Variants in PAG1 observed in about 807,000 individuals in gnomAD.
PAG1 encodes phosphoprotein associated with glycosphingolipid-enriched microdomains 1.
Under a neutral mutation model 31.7 loss-of-function variants are expected in PAG1, and 23 were observed. The ratio of observed to expected loss-of-function variants is 0.73; its 90% CI spans 0.52 to 1.03. PAG1 has a LOEUF of 1.03. Among genes scored for constraint, PAG1 ranks in the 50% least tolerant of loss-of-function variants. The probability of loss-of-function intolerance (pLI) is 0.00; values close to 1 mark genes in which losing one functional copy is unlikely to be tolerated. For missense variants in PAG1, 473 were observed against 540.7 expected, an observed-to-expected ratio of 0.87 and a Z score of 1.24; for synonymous variants, 214 against 210.3, an observed-to-expected ratio of 1.02 and a Z score of -0.15.
rs985670359 is a variant in PAG1, at chr8:80,974,991, G to A, written c.*1553C>T. ...TGATGTTTGTAAAATATAGGAAGAA[G>A]ATTCCAATAGGCAATTTGCATTGGC... is the stretch of plus-strand genomic sequence containing the variant. On this transcript the variant is annotated 3_prime_UTR_variant, in exon 9 of 9. Transcript: ENST00000220597. The A allele has an allele frequency of 6.6e-6, 1 of 152,200 alleles. No homozygotes were observed. The highest frequency in any genetic ancestry group is 1.5e-5 in the Non-Finnish European group (1 of 68,024). The allele number at this position is 152,200 out of a possible 1,614,324, so 9.4% of individuals were successfully genotyped here.
At chr8:81,039,331 C>A (rs1563639011) in intron 2 of PAG1, 1 of 152,166 alleles carries the variant, frequency 6.6e-6, no homozygotes, top group Non-Finnish European at 1.5e-5. Context: ...GATGGGCCCC[C>A]ATATAATGTG....
intron 1 of PAG1, among the ~76,000 whole-genome samples, chr8:81,100,026 A>C (rs181634229): frequency 3.0e-4 from 45 of 152,372 alleles, no homozygotes; most frequent in African/African-American, 1.0e-3. Flanking sequence ...ATTGTCAAGG[A>C]AAAATTAGAA....
intron 3 of PAG1, among the ~76,000 whole-genome samples, chr8:81,007,636 C>CAAAAAAAAAAAAAAAAAAAAAAA (rs58612249): frequency 2.0e-5 from 1 of 49,720 alleles, no homozygotes; most frequent in African/African-American, 8.5e-5. Flanking sequence ...GACTCTGTCT[C>CAAAAAAAAAAAAAAAAAAAAAAA]AAAAAAAAAA....
intron 1 of PAG1, among the ~76,000 whole-genome samples, chr8:81,098,566 T>C (rs1233563267): frequency 6.6e-6 from 1 of 152,216 alleles, no homozygotes; most frequent in Non-Finnish European, 1.5e-5. Context: ...CAGCTGCCAT[T>C]GCTACCTTTG....
intron 2 of PAG1, among the ~76,000 whole-genome samples, chr8:81,053,226 G>A (rs1433266572): frequency 6.6e-6 from 1 of 152,236 alleles, no homozygotes; most frequent in Admixed American, 6.5e-5. Context: ...GCCAGCCAAT[G>A]AGGCCCTGAA....
intron 2 of PAG1, among the ~76,000 whole-genome samples, chr8:81,039,071 A>G (rs947865916): frequency 6.6e-6 from 1 of 152,196 alleles, no homozygotes; most frequent in African/African-American, 2.4e-5. Context: ...TAGAAGAACT[A>G]CAAGTATCAT....
At chr8:81,034,259 C>G (rs561757795) in intron 2 of PAG1, among the ~76,000 whole-genome samples, 6 of 152,322 alleles carry the variant, frequency 3.9e-5, no homozygotes, top group Admixed American at 3.9e-4. Context: ...TGGAATGAAT[C>G]ACAGTGCTTG....
intron 7 of PAG1, 45 bp from the exon 8 acceptor site, chr8:80,980,539 A>C (rs1420417859): frequency 8.3e-7 from 1 of 1,210,936 alleles, no homozygotes; most frequent in African/African-American, 1.5e-5. Context: ...CAGCGTTAAC[A>C]ATCTAACCTT....
chr8:81,087,817 C>A (rs896291316), intron 1 of PAG1, among the ~76,000 whole-genome samples: 3 of 152,180 alleles, frequency 2.0e-5, no homozygotes, highest in African/African-American at 4.8e-5. Context: ...GCTGGTCAGG[C>A]ACCCTGCGCT....
chr8:81,082,806 C>G (rs543594483), intron 1 of PAG1, among the ~76,000 whole-genome samples: 1 of 152,118 alleles, frequency 6.6e-6, no homozygotes, highest in South Asian at 2.1e-4. Context: ...TTGCATCCAG[C>G]ATGTTTAGAA....
chr8:81,008,376 A>G (rs1452252909), intron 3 of PAG1, among the ~76,000 whole-genome samples: 3 of 151,988 alleles, frequency 2.0e-5, no homozygotes, highest in Non-Finnish European at 4.4e-5. Flanking sequence ...TACGAAGAAC[A>G]TAATTAAGAA....
chr8:80,980,805 A>T (rs545579407), intron 7 of PAG1, among the ~76,000 whole-genome samples: 1 of 152,372 alleles, frequency 6.6e-6, no homozygotes, highest in African/African-American at 2.4e-5. Flanking sequence ...TTGATCATCC[A>T]TGGAGGATTA....
In PAG1 at chr8:81,000,373, G is replaced by A. The variant is rs368433853; in HGVS notation, c.-80-7066C>T. Among the ~76,000 whole-genome samples, 71 of 152,234 alleles carry A rather than the reference G, an allele frequency of 4.7e-4. 2 individuals carry two copies. Among genetic ancestry groups the A allele is most frequent in the East Asian group, 1.4e-3 (7 of 5,172 alleles). ...GGGAAGGAGAGTAATAGGGATGAGC[G>A]CACTAAGCAAACAATTAAAAAATAA... On this transcript the variant is annotated intron_variant, in intron 3 of 8. Transcript: ENST00000220597.
intron 1 of PAG1, among the ~76,000 whole-genome samples, chr8:81,073,292 A>T (rs2130980812): frequency 6.6e-6 from 1 of 152,308 alleles, no homozygotes; most frequent in Non-Finnish European, 1.5e-5. Flanking sequence ...GAGTATGACA[A>T]TGCTACGGAG....
chr8:81,035,077 T>C (rs541449998), intron 2 of PAG1, among the ~76,000 whole-genome samples: 148 of 152,224 alleles, frequency 9.7e-4, no homozygotes, highest in Middle Eastern at 3.4e-3. Context: ...GGGGCCCAGC[T>C]ATCGCAGGGA....
At chr8:81,052,996 T>TGCTTTTTTTTTTGAATTCA (rs1808757761) in intron 2 of PAG1, among the ~76,000 whole-genome samples, 1 of 152,242 alleles carries the variant, frequency 6.6e-6, no homozygotes, top group Non-Finnish European at 1.5e-5. Flanking sequence ...TCAAAGTTTA[T>TGCTTTTTTTTTTGAATTCA]TTATTTTTAC....
At chr8:81,002,819 G>A (rs1228224590) in intron 3 of PAG1, among the ~76,000 whole-genome samples, 2 of 152,212 alleles carry the variant, frequency 1.3e-5, no homozygotes, top group Admixed American at 1.3e-4. Flanking sequence ...TTATTTACTG[G>A]TGTTATTGTG....
chr8:81,006,627 T>C (rs1188106595), intron 3 of PAG1, among the ~76,000 whole-genome samples: 1 of 152,244 alleles, frequency 6.6e-6, no homozygotes, highest in Admixed American at 6.5e-5. Flanking sequence ...AATGCAATTC[T>C]GAACATCTTT....
intron 1 of PAG1, among the ~76,000 whole-genome samples, chr8:81,097,733 T>C (rs887988638): frequency 6.6e-6 from 1 of 150,376 alleles, no homozygotes; most frequent in African/African-American, 2.5e-5. Flanking sequence ...AAAGAAGTAA[T>C]AAACAGTAGT....
Sources: allele counts gnomAD v4.1 joint callset (sites outside exome capture counted in the v4.1 genomes callset), GRCh38; gene constraint gnomAD v4.1.1; transcripts MANE v1.5; gene names NCBI Gene and HGNC (gene_info 2026-07-23, HGNC 2026-07-21).